OR5D14: variants seen among roughly 807,000 people sequenced by gnomAD.
OR5D14 encodes the protein olfactory receptor 5D14.
For synonymous variants in OR5D14, 187 were observed against 138.2 expected, an observed-to-expected ratio of 1.35 and a Z score of -2.48; for missense variants, 466 against 375.5, an observed-to-expected ratio of 1.24 and a Z score of -1.99.
chr11:55,795,639 T>C lies in OR5D14; in HGVS notation c.84T>C (p.Pro28=), dbSNP rs1292206277. ...CAGATTACCCAAAGCTTCAGATTCC[T>C]CTCTTCCTTGTGTTTCTGCTCATGT... ...GFTDYPKLQI[P]LFLVFLLMYV... is the part of the protein sequence containing the mutation. Residue 28 remains proline (P), a synonymous_variant, in exon 1 of 1, where the codon CCT becomes CCC. Coordinates refer to ENST00000335605, the MANE Select transcript of OR5D14 (RefSeq NM_001004735.1). The C allele has an allele frequency of 1.9e-6, 3 of 1,612,510 alleles. No homozygotes were observed. The highest frequency in any genetic ancestry group is 1.3e-5 in the African/African-American group (1 of 74,734).
At position 55,796,365 on chromosome 11, in the gene OR5D14, G is replaced by A; in HGVS notation, c.810G>A (p.Arg270=). Residue 270 remains arginine (R), a synonymous_variant, in exon 1 of 1, where the codon CGG becomes CGA. Transcript: ENST00000335605. ...GTGTACCCAACTCCAAAAACTCTCG[G>A]CAAACAGTCAAAGTGGCCTCTGTAT... is the stretch of plus-strand genomic sequence containing the variant. ...LYCVPNSKNS[R]QTVKVASVFY... The A allele has an allele frequency of 1.2e-6, 2 of 1,613,770 alleles. No individual in the cohort carries two copies. The highest frequency in any genetic ancestry group is 1.7e-6 in the Non-Finnish European group (2 of 1,179,888).
At position 55,796,062 on chromosome 11, in the gene OR5D14, C is replaced by G; in HGVS notation, c.507C>G (p.Asn169Lys). 6.2e-7 allele frequency: 1 copy of G among 1,613,918 alleles called. No individual in the cohort carries two copies. The highest frequency in any genetic ancestry group is 8.5e-7 in the Non-Finnish European group (1 of 1,180,006). The change falls in exon 1 of 1, where the codon AAC becomes AAG. Residue 169 changes from asparagine (N) to lysine (K), a missense_variant. Coordinates refer to ENST00000335605, the MANE Select transcript of OR5D14 (RefSeq NM_001004735.1). ...TCCTTTGTTATGCTCTCCGGTTAAA[C>G]TTCTCTGGACCTAATGTAATCAACC... The part of the protein sequence containing the change: ...LVLLCYALRL[N>K]FSGPNVINHF...
rs1368458918 is a variant in OR5D14, at chr11:55,795,632, A to G, written c.77A>G (p.Gln26Arg). 1 of 1,612,586 alleles carries G rather than the reference A, an allele frequency of 6.2e-7. No individual in the cohort carries two copies. Among genetic ancestry groups the G allele is most frequent in the Non-Finnish European group, 8.5e-7 (1 of 1,179,456 alleles). The change falls in exon 1 of 1, where the codon CAG becomes CGG. Residue 26 changes from glutamine (Q) to arginine (R), a missense_variant. Transcript: ENST00000335605. ...GGTTTCACAGATTACCCAAAGCTTCAGATTCCTCTCTTCCTTGTGTTTCTG... is the reference window on the plus strand; with the variant it reads ...GGTTTCACAGATTACCCAAAGCTTCGGATTCCTCTCTTCCTTGTGTTTCTG... ...LLGFTDYPKL[Q>R]IPLFLVFLLM...
Position 55,795,999 on chromosome 11 carries a change from T to C in OR5D14, c.444T>C (p.Ala148=). 6.2e-7 allele frequency: 1 copy of C among 1,613,966 alleles called. No homozygotes were observed. Reference sequence around the variant, plus strand: ...AGAGGCTCTGTGCCCTGCTGGTGGCTGGGTCATATCTCTGGGGCATGTTTG... The same window carrying C: ...AGAGGCTCTGTGCCCTGCTGGTGGCCGGGTCATATCTCTGGGGCATGTTTG... The part of the protein sequence containing the change: ...MSQRLCALLV[A]GSYLWGMFGP... Residue 148 remains alanine (A), a synonymous_variant, in exon 1 of 1, where the codon GCT becomes GCC. Transcript: ENST00000335605.
chr11:55,795,887 T>A lies in OR5D14; in HGVS notation c.332T>A (p.Val111Glu), dbSNP rs754240573. Residue 111 changes from valine (V) to glutamate (E), a missense_variant, in exon 1 of 1, where the codon GTG becomes GAG. Physicochemically the swap from Val to Glu is moderately radical, Grantham distance 121 (BLOSUM62 -2). Transcript: ENST00000335605. The part of the protein sequence containing the change: ...MQYFLSCTAV[V>E]TESFLLAVMA... ...TACTTCCTGTCCTGCACTGCTGTGG[T>A]GACAGAGTCTTTCTTGCTGGCAGTG... 1 of 1,613,914 alleles carries A rather than the reference T, an allele frequency of 6.2e-7. No homozygotes were observed. The highest frequency in any genetic ancestry group is 1.1e-5 in the South Asian group (1 of 91,082).
Position 55,796,269 on chromosome 11 carries a change from A to G in OR5D14, c.714A>G (p.Lys238=). The G allele has an allele frequency of 1.2e-6, 2 of 1,613,660 alleles. No homozygotes were observed. The highest frequency in any genetic ancestry group is 1.7e-6 in the Non-Finnish European group (2 of 1,179,804). The change falls in exon 1 of 1, where the codon AAA becomes AAG. Residue 238 remains lysine (K), a synonymous_variant. Transcript: ENST00000335605. The stretch of plus-strand genomic sequence containing the variant: ...TCCGTTCTGTTAGTGGGCGCCACAA[A>G]GCCTTCTCCACCTGGGCCTCCCACC... ...LKIRSVSGRH[K]AFSTWASHLT... is the part of the protein sequence containing the mutation.
Position 55,796,178 on chromosome 11 carries a change from A to G in OR5D14, c.623A>G (p.Asn208Ser), listed in dbSNP as rs752758038. 46 of 1,613,762 alleles carry G rather than the reference A, an allele frequency of 2.9e-5. No individual in the cohort carries two copies. In the Admixed American group the frequency reaches 7.5e-4, roughly 26 times the overall value. ...HLLLFSFATFNEMCTLLIILT... is the reference protein window; with the variant it reads ...HLLLFSFATFSEMCTLLIILT... ...CTGCTTTTCAGCTTCGCCACCTTCA[A>G]TGAGATGTGTACACTACTGATCATC... is the stretch of plus-strand genomic sequence containing the variant. Residue 208 changes from asparagine (N) to serine (S), a missense_variant, in exon 1 of 1, where the codon AAT becomes AGT. Physicochemically the swap from Asn to Ser is conservative, Grantham distance 46 (BLOSUM62 1). Coordinates refer to ENST00000335605, the MANE Select transcript of OR5D14 (RefSeq NM_001004735.1).
chr11:55,796,114 A>C lies in OR5D14; in HGVS notation c.559A>C (p.Ile187Leu). 2 of 1,613,812 alleles carry C rather than the reference A, an allele frequency of 1.2e-6. No homozygotes were observed. Among genetic ancestry groups the C allele is most frequent in the Non-Finnish European group, 1.7e-6 (2 of 1,179,962 alleles). ...CTTCTTTTGTGAGTATACTGCTCTC[A>C]TCTCTGTGTCTGGCTCTGATATACT... ...NHFFCEYTAL[I>L]SVSGSDILIP... The change falls in exon 1 of 1, where the codon ATC becomes CTC. Residue 187 changes from isoleucine to leucine, a missense_variant. By Grantham distance (5) the Ile-to-Leu change is conservative (BLOSUM62 2). Coordinates refer to ENST00000335605, the MANE Select transcript of OR5D14 (RefSeq NM_001004735.1).
chr11:55,796,338 C>T lies in OR5D14; in HGVS notation c.783C>T (p.Tyr261=). The change falls in exon 1 of 1, where the codon TAC becomes TAT. Residue 261 remains tyrosine (Y), a synonymous_variant. Coordinates refer to ENST00000335605, the MANE Select transcript of OR5D14 (RefSeq NM_001004735.1). ...TIFHGTILFL[Y]CVPNSKNSRQ... ...TCCATGGGACCATCCTTTTCCTTTA[C>T]TGTGTACCCAACTCCAAAAACTCTC... The T allele has an allele frequency of 6.2e-7, 1 of 1,613,946 alleles. No homozygotes were observed. Among genetic ancestry groups the T allele is most frequent in the Non-Finnish European group, 8.5e-7 (1 of 1,179,952 alleles).
rs759314081 is a variant in OR5D14, at chr11:55,796,494, T to G, written c.939T>G (p.Phe313Leu). ...AGTTAATACATACACAAGTTCCATT[T>G]CACTGAACCAGTCTCAAAAGTTGTT... ...FWKLIHTQVP[F>L]H Residue 313 changes from phenylalanine to leucine, a missense_variant, in exon 1 of 1, where the codon TTT (phenylalanine) becomes TTG (leucine). By Grantham distance (22) the Phe-to-Leu change is conservative. Coordinates refer to ENST00000335605, the MANE Select transcript of OR5D14 (RefSeq NM_001004735.1). 6.3e-7 allele frequency: 1 copy of G among 1,581,790 alleles called. No homozygotes were observed. Among genetic ancestry groups the G allele is most frequent in the Non-Finnish European group, 8.6e-7 (1 of 1,162,610 alleles).
chr11:55,796,138 C>CTCA lies in OR5D14; in HGVS notation c.586_588dup (p.Ile196dup). 1 of 1,613,712 alleles carries CTCA rather than the reference C, an allele frequency of 6.2e-7. No homozygotes were observed. The highest frequency in any genetic ancestry group is 8.5e-7 in the Non-Finnish European group (1 of 1,179,804). On this transcript the variant is annotated inframe_insertion, in exon 1 of 1. Transcript: ENST00000335605. ...CATCTCTGTGTCTGGCTCTGATATA[C>CTCA]TCATCCCCCACCTGCTGCTTTTCAG...
rs1186061226 is a variant in OR5D14, at chr11:55,795,741, C to T, written c.186C>T (p.Tyr62=). ...KINPKFHTPM[Y]FFLSHLSFVD... ...ACCCCAAATTTCACACTCCTATGTA[C>T]TTTTTCCTTAGTCACCTCTCTTTTG... The change falls in exon 1 of 1, where the codon TAC becomes TAT. Residue 62 remains tyrosine, a synonymous_variant. Transcript: ENST00000335605. 5 of 1,613,178 alleles carry T rather than the reference C, an allele frequency of 3.1e-6. No homozygotes were observed. Among genetic ancestry groups the T allele is most frequent in the Middle Eastern group, 1.6e-4 (1 of 6,076 alleles).
Position 55,796,138 on chromosome 11 carries a change from C to T in OR5D14, c.583C>T (p.Leu195Phe), listed in dbSNP as rs776415318. The T allele has an allele frequency of 6.2e-7, 1 of 1,613,712 alleles. No homozygotes were observed. Among genetic ancestry groups the T allele is most frequent in the Non-Finnish European group, 8.5e-7 (1 of 1,179,804 alleles). ...ALISVSGSDI[L>F]IPHLLLFSFA... ...CATCTCTGTGTCTGGCTCTGATATA[C>T]TCATCCCCCACCTGCTGCTTTTCAG... Residue 195 changes from leucine (L) to phenylalanine (F), a missense_variant, in exon 1 of 1, where the codon CTC becomes TTC. Transcript: ENST00000335605.
chr11:55,795,673 A>G lies in OR5D14; in HGVS notation c.118A>G (p.Thr40Ala). 6.2e-7 allele frequency: 1 copy of G among 1,612,068 alleles called. No homozygotes were observed. The part of the protein sequence containing the change: ...FLVFLLMYVI[T>A]VVGNLGMIII... Reference sequence around the variant, plus strand: ...TGTGTTTCTGCTCATGTATGTTATCACAGTGGTAGGAAACCTTGGGATGAT... The same window carrying G: ...TGTGTTTCTGCTCATGTATGTTATCGCAGTGGTAGGAAACCTTGGGATGAT... The change falls in exon 1 of 1, where the codon ACA (threonine) becomes GCA (alanine). Residue 40 changes from threonine to alanine, a missense_variant. Transcript: ENST00000335605.
rs780028439 is a variant in OR5D14, at chr11:55,795,925, C to A, written c.370C>A (p.Arg124Ser). The A allele has an allele frequency of 6.2e-7, 1 of 1,613,814 alleles. No homozygotes were observed. Among genetic ancestry groups the A allele is most frequent in the Non-Finnish European group, 8.5e-7 (1 of 1,179,992 alleles). Residue 124 changes from arginine (R) to serine (S), a missense_variant, in exon 1 of 1, where the codon CGC becomes AGC. By Grantham distance (110) the Arg-to-Ser change is moderately radical (BLOSUM62 -1). Transcript: ENST00000335605. ...SFLLAVMAYDRFVAICNPLLY... is the reference protein window; with the variant it reads ...SFLLAVMAYDSFVAICNPLLY... ...CTTGCTGGCAGTGATGGCCTATGAC[C>A]GCTTTGTGGCCATCTGCAATCCTCT...
At position 55,796,279 on chromosome 11, in the gene OR5D14, A is replaced by C. The variant is rs753967520; in HGVS notation, c.724A>C (p.Thr242Pro). 1.2e-6 allele frequency: 2 copies of C among 1,613,556 alleles called. No individual in the cohort carries two copies. Among genetic ancestry groups the C allele is most frequent in the Non-Finnish European group, 8.5e-7 (1 of 1,179,734 alleles). ...TAGTGGGCGCCACAAAGCCTTCTCC[A>C]CCTGGGCCTCCCACCTGACTTCTAT... ...SVSGRHKAFS[T>P]WASHLTSITI... The change falls in exon 1 of 1, where the codon ACC becomes CCC. Residue 242 changes from threonine to proline, a missense_variant. By Grantham distance (38) the Thr-to-Pro change is conservative. Transcript: ENST00000335605.
Position 55,796,140 on chromosome 11 carries a change from C to T in OR5D14, c.585C>T (p.Leu195=). 4.3e-6 allele frequency: 7 copies of T among 1,613,724 alleles called. No individual in the cohort carries two copies. Among genetic ancestry groups the T allele is most frequent in the Non-Finnish European group, 5.9e-6 (7 of 1,179,798 alleles). ...TCTCTGTGTCTGGCTCTGATATACT[C>T]ATCCCCCACCTGCTGCTTTTCAGCT... ...ALISVSGSDI[L]IPHLLLFSFA... Residue 195 remains leucine (L), a synonymous_variant, in exon 1 of 1, where the codon CTC becomes CTT. Transcript: ENST00000335605.
rs200009600 is a variant in OR5D14, at chr11:55,796,148, A to G, written c.593A>G (p.His198Arg). Residue 198 changes from histidine to arginine, a missense_variant, in exon 1 of 1, where the codon CAC becomes CGC. By Grantham distance (29) the His-to-Arg change is conservative (BLOSUM62 0). Transcript: ENST00000335605. ...TCTGGCTCTGATATACTCATCCCCCACCTGCTGCTTTTCAGCTTCGCCACC... is the reference window on the plus strand; with the variant it reads ...TCTGGCTCTGATATACTCATCCCCCGCCTGCTGCTTTTCAGCTTCGCCACC... ...SVSGSDILIP[H>R]LLLFSFATFN... The G allele has an allele frequency of 6.2e-7, 1 of 1,613,478 alleles. No individual in the cohort carries two copies. Among genetic ancestry groups the G allele is most frequent in the East Asian group, 2.2e-5 (1 of 44,852 alleles).
Position 55,796,251 on chromosome 11 carries a change from T to G in OR5D14, c.696T>G (p.Ser232=). The stretch of plus-strand genomic sequence containing the variant: ...TTGTGACTGTACTAAAAATCCGTTC[T>G]GTTAGTGGGCGCCACAAAGCCTTCT... ...FIFVTVLKIR[S]VSGRHKAFST... The change falls in exon 1 of 1, where the codon TCT becomes TCG. Residue 232 remains serine, a synonymous_variant. Coordinates refer to ENST00000335605, the MANE Select transcript of OR5D14 (RefSeq NM_001004735.1). 6.2e-7 allele frequency: 1 copy of G among 1,613,908 alleles called. No homozygotes were observed. Among genetic ancestry groups the G allele is most frequent in the Non-Finnish European group, 8.5e-7 (1 of 1,179,918 alleles).
Sources: gnomAD v4.1 joint callset for allele counts on GRCh38, gnomAD v4.1.1 for gene constraint, MANE v1.5 for transcripts, NCBI Gene and HGNC (gene_info 2026-07-23, HGNC 2026-07-21) for gene names.